HIVEP3: variants seen among roughly 807,000 people sequenced by gnomAD.
HIVEP3 encodes HIVEP zinc finger 3.
HIVEP3 carries 49 observed loss-of-function variants against 152.8 expected under a neutral mutation model. That is an observed-to-expected ratio of 0.32 (90% CI 0.26 to 0.41). The LOEUF (loss-of-function observed/expected upper bound fraction) is 0.41. Ranked by LOEUF, HIVEP3 falls within the 10% of genes least tolerant of loss-of-function variation. HIVEP3 has a pLI of 1.00. For missense variants in HIVEP3, 2,790 were observed against 3,103.3 expected, an observed-to-expected ratio of 0.90 and a Z score of 2.40; for synonymous variants, 1,269 against 1,289.0, an observed-to-expected ratio of 0.98 and a Z score of 0.33.
At chr1:41,555,254 G>A (rs954511089) in intron 5 of HIVEP3, among the ~76,000 whole-genome samples, 4 of 152,244 alleles carry the variant, frequency 2.6e-5, no homozygotes, top group African/African-American at 9.6e-5. Flanking sequence ...ATCTCAGACT[G>A]CTGCATTAGC....
At chr1:41,736,920 AG>A (rs1483509448) in intron 1 of HIVEP3, among the ~76,000 whole-genome samples, 1 of 152,294 alleles carries the variant, frequency 6.6e-6, no homozygotes, top group East Asian at 1.9e-4. Flanking sequence ...ACGGTTGGCC[AG>A]GGCACTATAG....
intron 5 of HIVEP3, among the ~76,000 whole-genome samples, chr1:41,559,434 G>C (rs966487602): frequency 2.0e-5 from 3 of 152,158 alleles, no homozygotes; most frequent in African/African-American, 7.2e-5. Flanking sequence ...GCCACCCCAG[G>C]CCTCCCTGGC....
At chr1:41,716,256 C>T (rs1288415653) in intron 1 of HIVEP3, among the ~76,000 whole-genome samples, 1 of 152,118 alleles carries the variant, frequency 6.6e-6, no homozygotes, top group Non-Finnish European at 1.5e-5. Context: ...GCAGGGAGGC[C>T]CATGGGGATG....
intron 2 of HIVEP3, among the ~76,000 whole-genome samples, chr1:41,637,165 A>T (rs1645287708): frequency 6.6e-6 from 1 of 151,874 alleles, no homozygotes; most frequent in Admixed American, 6.6e-5. Context: ...CACACACATC[A>T]TCATACACAA....
intron 5 of HIVEP3, among the ~76,000 whole-genome samples, chr1:41,560,573 G>T (rs1644044760): frequency 6.6e-6 from 1 of 152,184 alleles, no homozygotes; most frequent in Non-Finnish European, 1.5e-5. Flanking sequence ...TTGGGATGCG[G>T]CCAGGCTGGA....
intron 2 of HIVEP3, among the ~76,000 whole-genome samples, chr1:41,647,026 T>G (rs558020137): frequency 1.6e-4 from 24 of 152,170 alleles, no homozygotes; most frequent in South Asian, 1.0e-3. Context: ...CACTGCAACC[T>G]CCTGGCACTG....
rs1165102082 is a variant in HIVEP3, at chr1:41,583,233, A to C, written c.1565T>G (p.Leu522Arg). Residue 522 changes from leucine (L) to arginine (R), a missense_variant, in exon 4 of 9, where the codon CTG becomes CGG. By Grantham distance (102) the Leu-to-Arg change is moderately radical. This residue lies in a region of HIVEP3 where 134 missense variants were observed against 242.5 expected (regional missense o/e 0.55). Transcript: ENST00000372583. This position sits in a 1 kb window ranked among gnomAD's most constrained non-coding sequence, Gnocchi z 6.9. The stretch of plus-strand genomic sequence containing the variant: ...ACTGGGCGGGTGCTGGAGGCTCAGC[A>C]GTGATTGTTCAGGCTTGGTTTTCTC... ...HSEKTKPEQS[L>R]LSLQHPPSTA... The C allele has an allele frequency of 6.2e-7, 1 of 1,612,578 alleles. No individual in the cohort carries two copies. The highest frequency in any genetic ancestry group is 8.5e-7 in the Non-Finnish European group (1 of 1,179,396).
chr1:41,526,521 C>T (rs1480475135), intron 5 of HIVEP3, among the ~76,000 whole-genome samples: 3 of 117,296 alleles, frequency 2.6e-5, no homozygotes, highest in Admixed American at 8.5e-5. Flanking sequence ...TCACACTTGC[C>T]CTCACACATG....
rs201019293 is a variant in HIVEP3 at position 41,513,549 on chromosome 1, C to T, written c.5672G>A (p.Arg1891Gln). 1.8e-5 allele frequency: 29 copies of T among 1,610,186 alleles called. No homozygotes were observed. The East Asian group carries it at 3.6e-4, about 20-fold the overall frequency. The stretch of plus-strand genomic sequence containing the variant: ...GCCCAGGATGGGTGAGGAGTCTGCC[C>T]GCAGTGCATGTGGTGGGCCAGGCGG... ...APPPGPPHAL[R>Q]ADSSPILGPQ... The change falls in exon 8 of 9, where the codon CGG becomes CAG. Residue 1891 changes from arginine (R) to glutamine (Q), a missense_variant. Transcript: ENST00000372583.
At chr1:41,879,777 T>A (rs1413098841) in intron 1 of HIVEP3, among the ~76,000 whole-genome samples, 1 of 152,246 alleles carries the variant, frequency 6.6e-6, no homozygotes, top group Admixed American at 6.5e-5. Context: ...TATTTCCTCT[T>A]CTATACCTTG....
intron 2 of HIVEP3, among the ~76,000 whole-genome samples, chr1:41,645,229 AC>A (rs958595339): frequency 7.2e-5 from 11 of 151,802 alleles, no homozygotes; most frequent in Admixed American, 7.2e-4. Context: ...TTCCTCTTGG[AC>A]CCCCAGGCCC....
At chr1:42,020,806 T>C (rs1212100196) in intron 1 of HIVEP3, among the ~76,000 whole-genome samples, 1 of 151,974 alleles carries the variant, frequency 6.6e-6, no homozygotes, top group African/African-American at 2.4e-5. Context: ...CCAAGAAAGG[T>C]TAGGGTCTGG....
At chr1:41,674,156 G>A (rs535018148) in intron 2 of HIVEP3, among the ~76,000 whole-genome samples, 1 of 152,354 alleles carries the variant, frequency 6.6e-6, no homozygotes, top group South Asian at 2.1e-4. Flanking sequence ...CCCGTGTCGG[G>A]AAAGCTGGCC....
rs1644380851 is a variant in HIVEP3, at chr1:41,580,193, G to A, written c.4605C>T (p.Pro1535=). The change falls in exon 4 of 9, where the codon CCC becomes CCT. Residue 1535 remains proline, a synonymous_variant. Transcript: ENST00000372583. ...TTCGGTGAGGTTTGCCAGATGGCTG[G>A]GGATATTCCTTCAAAGCTTCTGAGC... ...APGSEALKEY[P]QPSGKPHRRG... 2 of 1,612,222 alleles carry A rather than the reference G, an allele frequency of 1.2e-6. No individual in the cohort carries two copies. Among genetic ancestry groups the A allele is most frequent in the Non-Finnish European group, 1.7e-6 (2 of 1,179,018 alleles).
At chr1:41,716,136 T>C (rs904212736) in intron 1 of HIVEP3, among the ~76,000 whole-genome samples, 1 of 152,226 alleles carries the variant, frequency 6.6e-6, no homozygotes, top group East Asian at 1.9e-4. Flanking sequence ...TGAGGGCAAG[T>C]CTTAGCCTCT....
chr1:41,639,103 A>T (rs1451240012), intron 2 of HIVEP3, among the ~76,000 whole-genome samples: 1 of 152,072 alleles, frequency 6.6e-6, no homozygotes, highest in East Asian at 1.9e-4. Context: ...GTCAAATTTG[A>T]TCTGTGTGGG....
chr1:41,707,803 T>A (rs1207663721), intron 1 of HIVEP3, among the ~76,000 whole-genome samples: 1 of 152,202 alleles, frequency 6.6e-6, no homozygotes, highest in Non-Finnish European at 1.5e-5. Flanking sequence ...GTGGGAAGAA[T>A]AAAATGATTT....
chr1:41,586,198 A>G (rs911423009), intron 3 of HIVEP3, among the ~76,000 whole-genome samples: 1 of 152,202 alleles, frequency 6.6e-6, no homozygotes, highest in African/African-American at 2.4e-5. Context: ...GTTGGTCTGC[A>G]TATAGCCCCA....
At chr1:41,823,315 A>G (rs1250402812) in intron 1 of HIVEP3, among the ~76,000 whole-genome samples, 1 of 152,204 alleles carries the variant, frequency 6.6e-6, no homozygotes, top group Non-Finnish European at 1.5e-5. Flanking sequence ...TAATATACCC[A>G]AAGACTGCAT....
Sources: gnomAD v4.1 joint callset for allele counts (sites outside exome capture counted in the v4.1 genomes callset) on GRCh38, gnomAD v4.1.1 for gene constraint, gnomAD v4.1.1 regional missense constraint, Gnocchi (gnomAD v3.1) non-coding constraint, MANE v1.5 for transcripts, NCBI Gene and HGNC (gene_info 2026-07-23, HGNC 2026-07-21) for gene names.